The following PRUNE2 variants were observed in gnomAD, a reference collection of about 807,000 sequenced individuals.
PRUNE2 encodes the protein protein prune homolog 2.
A neutral mutation model predicts 252.0 loss-of-function variants in PRUNE2; 164 were observed. That is an observed-to-expected ratio of 0.65 (90% CI 0.57 to 0.74). PRUNE2 has a LOEUF of 0.74. Ranked by LOEUF, PRUNE2 falls within the 30% of genes least tolerant of loss-of-function variation. PRUNE2 has a pLI of 0.00. For missense variants in PRUNE2, 3,495 were observed against 3,711.0 expected (o/e 0.94, Z 1.51); for synonymous variants, 1,292 against 1,350.2 (o/e 0.96, Z 0.94).
chr9:76,704,721 C>T, intron 8 of PRUNE2, 40 bp downstream of exon 8: 1 of 1,356,302 alleles, frequency 7.4e-7, no homozygotes, highest in African/African-American at 1.5e-5. Flanking sequence ...TTAATCAACG[C>T]AGCAGTTTCT....
At chr9:76,756,857 C>G (rs947619996) in intron 6 of PRUNE2, among the ~76,000 whole-genome samples, 1 of 152,016 alleles carries the variant, frequency 6.6e-6, no homozygotes, top group East Asian at 1.9e-4. Context: ...GCCCTGCCCC[C>G]CCGTGATACT....
At chr9:76,623,350 A>G (rs956244177) in intron 17 of PRUNE2, among the ~76,000 whole-genome samples, 1 of 150,414 alleles carries the variant, frequency 6.6e-6, no homozygotes, top group East Asian at 1.9e-4. Flanking sequence ...GCTGGAGTGC[A>G]GTGGCATGAT....
chr9:76,716,062 T>A (rs1291536234), intron 6 of PRUNE2, among the ~76,000 whole-genome samples: 3 of 152,196 alleles, frequency 2.0e-5, no homozygotes, highest in Non-Finnish European at 4.4e-5. Context: ...TTTTTACATA[T>A]AACAAAATTC....
At chr9:76,704,733 G>T in intron 8 of PRUNE2, 28 bp downstream of exon 8, 1 of 1,432,468 alleles carries the variant, frequency 7.0e-7, no homozygotes, top group South Asian at 1.4e-5. Context: ...GCAGTTTCTT[G>T]GAAGTGGAAG....
Position 76,824,773 on chromosome 9 carries a change from A to G in PRUNE2, c.662-1047T>C, listed in dbSNP as rs572804744. ...AGACCACTGCTTGCACTACCTACTT[A>G]CAATGCTCTGTCAATCACATGAGGA... On this transcript the variant is annotated intron_variant, in intron 5 of 18. Coordinates refer to ENST00000376718, the MANE Select transcript of PRUNE2 (RefSeq NM_015225.3). Among the ~76,000 whole-genome samples the G allele has an allele frequency of 7.7e-4, 118 of 152,310 alleles. 2 individuals are homozygous for G. The highest frequency in any genetic ancestry group is 2.7e-3 in the African/African-American group (114 of 41,570).
intron 6 of PRUNE2, among the ~76,000 whole-genome samples, chr9:76,727,474 T>C (rs2048195355): frequency 6.6e-6 from 1 of 152,188 alleles, no homozygotes. Context: ...CAATTGTCTT[T>C]TAGTTTAGAT....
chr9:76,870,781 G>C (rs775793983), intron 1 of PRUNE2, among the ~76,000 whole-genome samples: 15 of 150,450 alleles, frequency 1.0e-4, no homozygotes, highest in Non-Finnish European at 2.2e-4. Flanking sequence ...AGAGAAGACA[G>C]GCAGGTTTGA....
chr9:76,678,729 G>C (rs2043073942), intron 9 of PRUNE2, among the ~76,000 whole-genome samples: 1 of 152,130 alleles, frequency 6.6e-6, no homozygotes, highest in Non-Finnish European at 1.5e-5. Context: ...CTTGGAGGCT[G>C]AGGCAGGAGA....
chr9:76,655,331 G>A (rs1848773118), intron 10 of PRUNE2, 92 bp downstream of exon 10: 2 of 919,474 alleles, frequency 2.2e-6, no homozygotes, highest in East Asian at 5.3e-5. Flanking sequence ...GAAATCATAA[G>A]TTAGATGCAC....
Position 76,691,222 on chromosome 9 carries a change from C to T in PRUNE2, c.8276+12115G>A, listed in dbSNP as rs569571360. On this transcript the variant is annotated intron_variant, in intron 9 of 18. Coordinates refer to ENST00000376718, the MANE Select transcript of PRUNE2 (RefSeq NM_015225.3). ...ATAAGATCAAACCATGTCAACAGTT[C>T]ACATCAAAGAGGGGGCAGTGGATGG... Among the ~76,000 whole-genome samples the T allele has an allele frequency of 5.6e-4, 85 of 152,316 alleles. 2 individuals are homozygous for T. The highest frequency in any genetic ancestry group is 5.0e-3 in the South Asian group (24 of 4,828).
chr9:76,826,629 T>C lies in PRUNE2; in HGVS notation c.612A>G (p.Pro204=), dbSNP rs774709221. 8.1e-6 allele frequency: 13 copies of C among 1,612,834 alleles called. No homozygotes were observed. The East Asian group carries it at 2.7e-4, about 33-fold the overall frequency. Residue 204 remains proline (P), a synonymous_variant, in exon 5 of 19, where the codon CCA becomes CCG. Transcript: ENST00000376718. ...GTAGGACGTTGATGATGTCCTCTCT[T>C]GGAGGCAAGTTAGGAAATTTTTCTT... The part of the protein sequence containing the change: ...ILEEKFPNLP[P]REDIINVLQE...
At chr9:76,788,612 T>G (rs1443712000) in intron 6 of PRUNE2, 5 of 659,380 alleles carry the variant, frequency 7.6e-6, no homozygotes, top group Non-Finnish European at 1.4e-5. Flanking sequence ...CTTAAAGCAG[T>G]GCTTGACACA....
chr9:76,801,173 A>C (rs548227545), intron 6 of PRUNE2, among the ~76,000 whole-genome samples: 1 of 152,302 alleles, frequency 6.6e-6, no homozygotes, highest in African/African-American at 2.4e-5. Flanking sequence ...TTTTAATTGA[A>C]TGATGTTTCT....
At chr9:76,670,730 G>A (rs1278806059) in intron 9 of PRUNE2, among the ~76,000 whole-genome samples, 10 of 151,822 alleles carry the variant, frequency 6.6e-5, no homozygotes, top group African/African-American at 9.7e-5. Flanking sequence ...GCCTCCTCAA[G>A]TGGGTCCCTG....
At chr9:76,840,845 G>T (rs1335001596) in intron 4 of PRUNE2, among the ~76,000 whole-genome samples, 1 of 152,160 alleles carries the variant, frequency 6.6e-6, no homozygotes, top group African/African-American at 2.4e-5. Context: ...GCCGGGCTTT[G>T]TGGCAGGCAC....
At chr9:76,696,370 G>T (rs1426856954) in intron 9 of PRUNE2, among the ~76,000 whole-genome samples, 1 of 152,100 alleles carries the variant, frequency 6.6e-6, no homozygotes, top group African/African-American at 2.4e-5. Context: ...TGCTTCGTCA[G>T]CTCTACTCTC....
At chr9:76,810,995 A>T (rs1177363564) in intron 6 of PRUNE2, among the ~76,000 whole-genome samples, 6 of 152,202 alleles carry the variant, frequency 3.9e-5, no homozygotes, top group Non-Finnish European at 8.8e-5. Flanking sequence ...ACTAATTTAA[A>T]CCAAGGTCAG....
At chr9:76,623,773 C>T (rs1232451358) in intron 17 of PRUNE2, among the ~76,000 whole-genome samples, 1 of 152,150 alleles carries the variant, frequency 6.6e-6, no homozygotes, top group African/African-American at 2.4e-5. Context: ...TATAAATTGC[C>T]TATAGATATC....
rs759327741 is a variant in PRUNE2, at chr9:76,711,162, G to T, written c.1112C>A (p.Ala371Asp). 18 of 1,613,788 alleles carry T rather than the reference G, an allele frequency of 1.1e-5. No homozygotes were observed. Among genetic ancestry groups the T allele is most frequent in the Admixed American group, 1.7e-5 (1 of 59,980 alleles). Reference protein sequence around the residue: ...VSNSRTSSTEAVAGSAPLSQG... With the variant: ...VSNSRTSSTEDVAGSAPLSQG... Reference sequence around the variant, plus strand: ...GGAGAGGGGGGCACTGCCTGCCACGGCTTCTGTTGAGGATGTCCGGCTATT... The same window carrying T: ...GGAGAGGGGGGCACTGCCTGCCACGTCTTCTGTTGAGGATGTCCGGCTATT... The change falls in exon 8 of 19, where the codon GCC becomes GAC. Residue 371 changes from alanine to aspartate, a missense_variant. By Grantham distance (126) the Ala-to-Asp change is moderately radical. Transcript: ENST00000376718.
Sources: allele counts gnomAD v4.1 joint callset (sites outside exome capture counted in the v4.1 genomes callset), GRCh38; gene constraint gnomAD v4.1.1; transcripts MANE v1.5; gene names NCBI Gene and HGNC (gene_info 2026-07-23, HGNC 2026-07-21).